The following PAMR1 variants were observed in gnomAD, a reference collection of about 807,000 sequenced individuals.
PAMR1 encodes the protein inactive serine protease PAMR1.
A neutral mutation model predicts 81.8 loss-of-function variants in PAMR1; 88 were observed. The observed-to-expected ratio is 1.08, with a 90% confidence interval of 0.91 to 1.28. The LOEUF is 1.28. PAMR1 is among the 50% of genes most tolerant of loss of function. The pLI is 0.00. For synonymous variants in PAMR1, 336 were observed against 345.3 expected (o/e 0.97, Z 0.30); for missense variants, 935 against 919.7 (o/e 1.02, Z -0.21).
intron 6 of PAMR1, among the ~76,000 whole-genome samples, chr11:35,450,242 A>G (rs1460572427): frequency 2.0e-5 from 3 of 152,064 alleles, no homozygotes; most frequent in Non-Finnish European, 2.9e-5. Context: ...AGGCTGCAAC[A>G]ATTAGCCAAA....
At chr11:35,451,365 A>T (rs1856415262) in intron 6 of PAMR1, among the ~76,000 whole-genome samples, 2 of 152,252 alleles carry the variant, frequency 1.3e-5, no homozygotes, top group South Asian at 4.1e-4. Context: ...CTGAATCAGG[A>T]CATACAAACA....
At chr11:35,482,850 G>A (rs780212012) in intron 3 of PAMR1, among the ~76,000 whole-genome samples, 4 of 152,234 alleles carry the variant, frequency 2.6e-5, no homozygotes, top group Non-Finnish European at 5.9e-5. Flanking sequence ...TATTGTTGAT[G>A]TATAGGAATG....
intron 6 of PAMR1, among the ~76,000 whole-genome samples, chr11:35,442,557 A>G (rs1856193958): frequency 6.6e-6 from 1 of 152,076 alleles, no homozygotes; most frequent in East Asian, 1.9e-4. Flanking sequence ...CAATCACTCT[A>G]TCAACCTATC....
At chr11:35,464,026 C>A (rs537749382) in intron 6 of PAMR1, among the ~76,000 whole-genome samples, 1 of 152,126 alleles carries the variant, frequency 6.6e-6, no homozygotes, top group South Asian at 2.1e-4. Context: ...ATGAATGGCT[C>A]GTCTTCTAAA....
At chr11:35,461,278 G>A (rs1856648438) in intron 6 of PAMR1, among the ~76,000 whole-genome samples, 1 of 152,240 alleles carries the variant, frequency 6.6e-6, no homozygotes, top group Non-Finnish European at 1.5e-5. Flanking sequence ...CAAAGCAATG[G>A]TGGGTCTGGC....
At chr11:35,453,413 G>T (rs1856462384) in intron 6 of PAMR1, 2 of 152,280 alleles carry the variant, frequency 1.3e-5, no homozygotes, top group African/African-American at 4.8e-5. Flanking sequence ...CACGGTGTCT[G>T]TACATTCGTA....
At chr11:35,455,467 C>T (rs1226438558) in intron 6 of PAMR1, among the ~76,000 whole-genome samples, 1 of 152,176 alleles carries the variant, frequency 6.6e-6, no homozygotes, top group African/African-American at 2.4e-5. Flanking sequence ...TTGCTATCCA[C>T]CAGTGTATGC....
chr11:35,502,844 T>C (rs2135410147), intron 1 of PAMR1, among the ~76,000 whole-genome samples: 1 of 152,332 alleles, frequency 6.6e-6, no homozygotes, highest in East Asian at 1.9e-4. Context: ...AAGCTTCATG[T>C]ATTAATAATC....
chr11:35,462,212 T>C (rs1004850362), intron 6 of PAMR1, among the ~76,000 whole-genome samples: 5 of 152,212 alleles, frequency 3.3e-5, no homozygotes, highest in African/African-American at 1.2e-4. Context: ...TTGAGCAACC[T>C]GCTCTGGAGT....
Position 35,472,914 on chromosome 11 carries a change from A to G in PAMR1, c.494+1716T>C, listed in dbSNP as rs576967060. Among the ~76,000 whole-genome samples, 3 of 152,314 alleles carry G rather than the reference A, an allele frequency of 2.0e-5. No individual in the cohort carries two copies. The South Asian group carries it at 6.2e-4, about 32-fold the overall frequency. On this transcript the variant is annotated intron_variant, in intron 4 of 10. Transcript: ENST00000619888. ...TAGGAAGCCTCTGAAAGGTTTCAAC[A>G]AGGGGATAATGCCGGATTCAGATTT...
upstream of PAMR1, among the ~76,000 whole-genome samples, chr11:35,527,742 C>T (rs1342464636): frequency 6.6e-6 from 1 of 152,092 alleles, no homozygotes; most frequent in Non-Finnish European, 1.5e-5. Context: ...TTCTACCTTC[C>T]TCAGGTTTCT....
chr11:35,447,916 G>T (rs573186188), intron 6 of PAMR1, among the ~76,000 whole-genome samples: 70 of 152,266 alleles, frequency 4.6e-4, no homozygotes, highest in African/African-American at 1.6e-3. Context: ...TAGTTTGCCT[G>T]GATATGAAAT....
rs918923491 is a variant in PAMR1 at position 35,495,625 on chromosome 11, C to A, written c.74-1353G>T. ...CGGACAAGATCCCCACAAAACCTTC[C>A]CAAGAAACTCCAGGCAGGGATCACC... is the stretch of plus-strand genomic sequence containing the variant. On this transcript the variant is annotated intron_variant, in intron 1 of 10. Transcript: ENST00000619888. Among the ~76,000 whole-genome samples, 3 of 152,212 alleles carry A rather than the reference C, an allele frequency of 2.0e-5. No homozygotes were observed. In the East Asian group the frequency reaches 5.8e-4, roughly 29 times the overall value.
At chr11:35,475,207 G>A (rs562895026) in intron 3 of PAMR1, among the ~76,000 whole-genome samples, 1 of 152,194 alleles carries the variant, frequency 6.6e-6, no homozygotes, top group African/African-American at 2.4e-5. Flanking sequence ...CCACCATCCA[G>A]GCAGGAAATC....
In PAMR1 at chr11:35,453,206, C is replaced by G. The variant is rs541098536; in HGVS notation, c.821-11513G>C. ...CCCTTACTTGCCTTTGTTCACAAAGCACCCAACTGCCTTTAAATGCCAATT... is the reference window on the plus strand; with the variant it reads ...CCCTTACTTGCCTTTGTTCACAAAGGACCCAACTGCCTTTAAATGCCAATT... On this transcript the variant is annotated intron_variant, in intron 6 of 10. Transcript: ENST00000619888. 1.8e-3 allele frequency among the ~76,000 whole-genome samples: 269 copies of G among 152,324 alleles called. 2 individuals carry two copies. Among genetic ancestry groups the G allele is most frequent in the African/African-American group, 6.2e-3 (257 of 41,574 alleles).
At chr11:35,437,762 T>C (rs1856082938) in intron 8 of PAMR1, among the ~76,000 whole-genome samples, 2 of 152,370 alleles carry the variant, frequency 1.3e-5, no homozygotes, top group Admixed American at 6.5e-5. Flanking sequence ...TCTTTCTGAA[T>C]AGTGCAGGGG....
chr11:35,450,118 C>T (rs2135352972), intron 6 of PAMR1, among the ~76,000 whole-genome samples: 1 of 107,808 alleles, frequency 9.3e-6, no homozygotes, highest in Non-Finnish European at 1.7e-5. Flanking sequence ...ACTTACTTGG[C>T]TGCCTCCAGG....
In PAMR1 at chr11:35,434,552, C is replaced by CGGTAGAATTT; in HGVS notation, c.1576_1585dup (p.Arg529GlnfsTer6). On this transcript the variant is annotated frameshift_variant, in exon 10 of 11. Transcript: ENST00000619888. LOFTEE classifies it high-confidence loss of function. ...GGTCTTCTCATCCCGGTCATCATCC[C>CGGTAGAATTT]GGTAGAATTTCCCCAAAACAACTTT... The CGGTAGAATTT allele has an allele frequency of 6.2e-7, 1 of 1,613,966 alleles. No homozygotes were observed. Among genetic ancestry groups the CGGTAGAATTT allele is most frequent in the South Asian group, 1.1e-5 (1 of 91,066 alleles).
chr11:35,466,355 T>C lies in PAMR1; in HGVS notation c.820+1646A>G, dbSNP rs192846113. On this transcript the variant is annotated intron_variant, in intron 6 of 10. Transcript: ENST00000619888. ...CTGTGCCAAACCAGGGCAAGGATGC[T>C]CTTAGTAGAAATCAATGGCACACAC... 3.5e-3 allele frequency among the ~76,000 whole-genome samples: 538 copies of C among 152,214 alleles called. 1 individual carries two copies. The highest frequency in any genetic ancestry group is 0.012 in the African/African-American group (490 of 41,534).
Sources: gnomAD v4.1 joint callset for allele counts (sites outside exome capture counted in the v4.1 genomes callset) on GRCh38, gnomAD v4.1.1 for gene constraint, MANE v1.5 for transcripts, NCBI Gene and HGNC (gene_info 2026-07-23, HGNC 2026-07-21) for gene names.